Variants in RYR3 observed in about 807,000 individuals in gnomAD.
RYR3 encodes the protein ryanodine receptor 3, also known as brain ryanodine receptor-calcium release channel.
RYR3 carries 207 observed loss-of-function variants against 584.3 expected under a neutral mutation model. That is an observed-to-expected ratio of 0.35 (90% CI 0.32 to 0.40). The LOEUF is 0.40. RYR3 is among the 10% of genes least tolerant of loss of function. RYR3 has a pLI of 1.00. For missense variants in RYR3, 5,616 were observed against 6,089.2 expected (o/e 0.92, Z 2.59); for synonymous variants, 2,416 against 2,248.5 (o/e 1.07, Z -2.11).
chr15:33,416,110 G>A (rs2043792777), intron 1 of RYR3, among the ~76,000 whole-genome samples: 1 of 152,098 alleles, frequency 6.6e-6, no homozygotes, highest in South Asian at 2.1e-4. Context: ...CCATTGATGG[G>A]CGCCCAGGCT....
At chr15:33,823,268 A>C (rs2077203931) in intron 81 of RYR3, among the ~76,000 whole-genome samples, 196 bp downstream of exon 81, 1 of 152,062 alleles carries the variant, frequency 6.6e-6, no homozygotes, top group Admixed American at 6.6e-5. Flanking sequence ...CAGAGGGGAA[A>C]ATGTGATTGC....
At chr15:33,446,241 T>G (rs764019839) in intron 1 of RYR3, among the ~76,000 whole-genome samples, 2 of 152,198 alleles carry the variant, frequency 1.3e-5, no homozygotes, top group Non-Finnish European at 2.9e-5. Context: ...GGCAAGAGAT[T>G]GAGATTTTCT....
intron 31 of RYR3, among the ~76,000 whole-genome samples, chr15:33,651,867 T>C (rs1041667498): frequency 3.3e-5 from 5 of 152,192 alleles, no homozygotes; most frequent in Non-Finnish European, 7.3e-5. Context: ...CGTACACCAG[T>C]GTGGGCTTAG....
intron 40 of RYR3, among the ~76,000 whole-genome samples, chr15:33,699,423 C>T (rs1443429971): frequency 1.3e-5 from 2 of 151,870 alleles, no homozygotes; most frequent in Non-Finnish European, 2.9e-5. Flanking sequence ...GAATTCTGTC[C>T]ACTCCCTTCC....
At chr15:33,857,219 G>A (rs1374037344) in intron 98 of RYR3, among the ~76,000 whole-genome samples, 4 of 136,178 alleles carry the variant, frequency 2.9e-5, no homozygotes, top group South Asian at 2.6e-4. Context: ...TTCTGGAGGC[G>A]GTAAGTAAGT....
intron 3 of RYR3, among the ~76,000 whole-genome samples, chr15:33,528,808 A>G (rs929162214): frequency 6.6e-6 from 1 of 152,180 alleles, no homozygotes; most frequent in African/African-American, 2.4e-5. Flanking sequence ...CCTGAAAGCA[A>G]TGGTTCTCAA....
chr15:33,672,297 C>G (rs72713257), intron 38 of RYR3, among the ~76,000 whole-genome samples: 5,773 of 152,272 alleles, frequency 0.038, 147 homozygotes, highest in Middle Eastern at 0.099. Context: ...AGTCTGCAGC[C>G]CCGCTACCTC....
At position 33,724,080 on chromosome 15, in the gene RYR3, T is replaced by G; in HGVS notation, c.6816T>G (p.Asp2272Glu). The change falls in exon 45 of 104, where the codon GAT becomes GAG. Residue 2272 changes from aspartate (D) to glutamate (E), a missense_variant. Coordinates refer to ENST00000634891, the MANE Select transcript of RYR3 (RefSeq NM_001036.6). ...GTTCTCTCAGCAGCACGGGGGACGA[T>G]GAAGAGGAAGAAGAAATCGTGCATA... is the stretch of plus-strand genomic sequence containing the variant. ...GYKREVSTGD[D>E]EEEEEIVHMG... 6.2e-7 allele frequency: 1 copy of G among 1,608,496 alleles called. No individual in the cohort carries two copies.
intron 68 of RYR3, among the ~76,000 whole-genome samples, chr15:33,801,417 GA>G (rs973008869): frequency 2.0e-5 from 3 of 152,192 alleles, no homozygotes; most frequent in Non-Finnish European, 4.4e-5. Context: ...ATCAGGAAAA[GA>G]CCAGGAAAGG....
At position 33,499,736 on chromosome 15, in the gene RYR3, G is replaced by T. The variant is rs556077441; in HGVS notation, c.172-3895G>T. On this transcript the variant is annotated intron_variant, in intron 2 of 103. Transcript: ENST00000634891. ...CAAAGGCATGTGTAACAGAAACTAA[G>T]TTACCTGCATAATGTCATTCAGCTA... 1.6e-4 allele frequency among the ~76,000 whole-genome samples: 24 copies of T among 152,294 alleles called. No homozygotes were observed. The East Asian group carries it at 4.6e-3, about 29-fold the overall frequency.
At chr15:33,598,724 T>A (rs189012544) in intron 16 of RYR3, among the ~76,000 whole-genome samples, 1 of 150,198 alleles carries the variant, frequency 6.7e-6, no homozygotes, top group Non-Finnish European at 1.5e-5. Flanking sequence ...GCAGGAAAAC[T>A]TGCCTTCCTG....
At chr15:33,577,886 A>C (rs1240522481) in intron 12 of RYR3, among the ~76,000 whole-genome samples, 1 of 152,238 alleles carries the variant, frequency 6.6e-6, no homozygotes, top group Non-Finnish European at 1.5e-5. Flanking sequence ...AAAGTCTAAT[A>C]TCCAGAATCT....
chr15:33,514,290 G>T (rs904641048), intron 3 of RYR3, among the ~76,000 whole-genome samples: 1 of 152,206 alleles, frequency 6.6e-6, no homozygotes, highest in African/African-American at 2.4e-5. Flanking sequence ...AGGATGTGCA[G>T]CTGGAGGCTT....
chr15:33,577,812 A>T (rs1188656486), intron 12 of RYR3, among the ~76,000 whole-genome samples: 2 of 152,248 alleles, frequency 1.3e-5, no homozygotes, highest in South Asian at 2.1e-4. Context: ...CAAAGAAACT[A>T]TCATCAGAGT....
chr15:33,600,535 G>C (rs578027282), intron 16 of RYR3, among the ~76,000 whole-genome samples: 5 of 152,128 alleles, frequency 3.3e-5, no homozygotes, highest in Admixed American at 2.6e-4. Flanking sequence ...AGAGGTGAGC[G>C]TGCAGGACAA....
chr15:33,356,742 A>AT (rs901992832), intron 1 of RYR3, among the ~76,000 whole-genome samples: 59 of 151,990 alleles, frequency 3.9e-4, no homozygotes, highest in Admixed American at 3.3e-4. Flanking sequence ...TCATCTGTAG[A>AT]TTTTTTCTGT....
At chr15:33,589,368 T>C (rs1362465146) in intron 16 of RYR3, among the ~76,000 whole-genome samples, 1 of 152,232 alleles carries the variant, frequency 6.6e-6, no homozygotes, top group Admixed American at 6.5e-5. Context: ...AGTCCTTTGT[T>C]GGATGCATAG....
Position 33,662,373 on chromosome 15 carries a change from C to A in RYR3, c.4843C>A (p.Leu1615Met). 1.2e-6 allele frequency: 2 copies of A among 1,613,216 alleles called. No homozygotes were observed. Among genetic ancestry groups the A allele is most frequent in the Non-Finnish European group, 8.5e-7 (1 of 1,179,588 alleles). Residue 1615 changes from leucine to methionine, a missense_variant, in exon 35 of 104, where the codon CTG becomes ATG. Coordinates refer to ENST00000634891, the MANE Select transcript of RYR3 (RefSeq NM_001036.6). Reference sequence around the variant, plus strand: ...CTATGACCTGCTCATCAGCATCCACCTGGCCAGCGCCAAGGAGAGGAAGCT... The same window carrying A: ...CTATGACCTGCTCATCAGCATCCACATGGCCAGCGCCAAGGAGAGGAAGCT... The part of the protein sequence containing the change: ...GFYDLLISIH[L>M]ASAKERKLMM...
At chr15:33,473,252 G>T in intron 1 of RYR3, 167 bp from the exon 2 acceptor site, 1 of 821,048 alleles carries the variant, frequency 1.2e-6, no homozygotes, top group South Asian at 1.3e-5. Context: ...GCTCCGTGAT[G>T]TCCTGTGAAT....
Sources: gnomAD v4.1 joint callset for allele counts (sites outside exome capture counted in the v4.1 genomes callset) on GRCh38, gnomAD v4.1.1 for gene constraint, MANE v1.5 for transcripts, NCBI Gene and HGNC (gene_info 2026-07-23, HGNC 2026-07-21) for gene names.